Variants in TGFB2 observed in about 807,000 individuals in gnomAD.
TGFB2 encodes the protein transforming growth factor beta 2, also known as transforming growth factor beta-2 proprotein.
Under a neutral mutation model 42.7 loss-of-function variants are expected in TGFB2, and 13 were observed. That is an observed-to-expected ratio of 0.30 (90% CI 0.20 to 0.48). The LOEUF (loss-of-function observed/expected upper bound fraction) is 0.48. Among genes scored for constraint, TGFB2 ranks in the 20% least tolerant of loss-of-function variants. The probability of loss-of-function intolerance (pLI) is 0.99; values close to 1 mark genes in which losing one functional copy is unlikely to be tolerated. For missense variants in TGFB2, 390 were observed against 517.5 expected (o/e 0.75, Z 2.39); for synonymous variants, 193 against 193.6 (o/e 1.00, Z 0.03).
intron 1 of TGFB2, among the ~76,000 whole-genome samples, chr1:218,399,431 C>A (rs896088453): frequency 1.3e-5 from 2 of 152,074 alleles, no homozygotes; most frequent in African/African-American, 4.8e-5. Context: ...AAAATTAGTA[C>A]ATATAAAAAC....
intron 1 of TGFB2, among the ~76,000 whole-genome samples, chr1:218,366,502 G>A (rs940876392): frequency 3.9e-5 from 6 of 152,084 alleles, no homozygotes; most frequent in African/African-American, 1.2e-4. Context: ...TTAGAGATGG[G>A]GTCTTGCTAT....
At position 218,349,356 on chromosome 1, in the gene TGFB2, GAA is replaced by G. The variant is rs893818085; in HGVS notation, c.346+2315_346+2316del. On this transcript the variant is annotated intron_variant, in intron 1 of 6. Transcript: ENST00000366930. ...ACCCTTCCAAAAAAAAGGAAAAAAAGAAAAAAACCATATTTTTAAAAAGCAAA... is the reference window on the plus strand; with the variant it reads ...ACCCTTCCAAAAAAAAGGAAAAAAAGAAAAACCATATTTTTAAAAAGCAAA... Among the ~76,000 whole-genome samples, 3 of 152,158 alleles carry G rather than the reference GAA, an allele frequency of 2.0e-5. No homozygotes were observed. The East Asian group carries it at 5.8e-4, about 29-fold the overall frequency.
chr1:218,432,698 A>G (rs1465067977), intron 2 of TGFB2, among the ~76,000 whole-genome samples: 1 of 152,220 alleles, frequency 6.6e-6, no homozygotes, highest in East Asian at 1.9e-4. Context: ...ATTGAGTGCT[A>G]TGGTTTGAAA....
At chr1:218,381,708 A>G (rs759620778) in intron 1 of TGFB2, among the ~76,000 whole-genome samples, 2 of 152,164 alleles carry the variant, frequency 1.3e-5, no homozygotes. Context: ...GACAAGCTCA[A>G]TTTTCTGCGA....
chr1:218,393,357 A>G (rs1241828037), intron 1 of TGFB2, among the ~76,000 whole-genome samples: 1 of 152,194 alleles, frequency 6.6e-6, no homozygotes, highest in Admixed American at 6.5e-5. Flanking sequence ...CAGTTTCTTA[A>G]TCTGTAAAAG....
intron 1 of TGFB2, among the ~76,000 whole-genome samples, chr1:218,354,877 G>T (rs1656982877): frequency 1.3e-5 from 2 of 152,124 alleles, no homozygotes; most frequent in African/African-American, 4.8e-5. Flanking sequence ...GATACAAAAA[G>T]TGTGATTTAT....
intron 2 of TGFB2, among the ~76,000 whole-genome samples, chr1:218,415,108 C>CT (rs1305429442): frequency 6.6e-6 from 1 of 152,176 alleles, no homozygotes; most frequent in African/African-American, 2.4e-5. Flanking sequence ...ATGAAAGCAC[C>CT]TACTTGGCAA....
intron 1 of TGFB2, among the ~76,000 whole-genome samples, chr1:218,379,977 A>G (rs1571852941): frequency 6.6e-6 from 1 of 152,196 alleles, no homozygotes; most frequent in Non-Finnish European, 1.5e-5. Flanking sequence ...TGCTTCATAT[A>G]CTCCAGGCAC....
intron 2 of TGFB2, among the ~76,000 whole-genome samples, chr1:218,415,380 G>A (rs984431629): frequency 6.6e-6 from 1 of 152,022 alleles, no homozygotes; most frequent in African/African-American, 2.4e-5. Context: ...CACTCACTCA[G>A]CTTGTGGTGG....
chr1:218,373,302 G>A (rs1205096573), intron 1 of TGFB2, among the ~76,000 whole-genome samples: 1 of 152,106 alleles, frequency 6.6e-6, no homozygotes, highest in Non-Finnish European at 1.5e-5. Context: ...GGTTTTGAGT[G>A]AATTTCTGCA....
At chr1:218,414,165 G>C (rs563178439) in intron 2 of TGFB2, among the ~76,000 whole-genome samples, 1 of 152,120 alleles carries the variant, frequency 6.6e-6, no homozygotes, top group South Asian at 2.1e-4. Context: ...TGTCATACCA[G>C]GGAGCACAGC....
intron 1 of TGFB2, among the ~76,000 whole-genome samples, chr1:218,399,996 T>C (rs909618359): frequency 6.6e-6 from 1 of 152,096 alleles, no homozygotes; most frequent in East Asian, 1.9e-4. Context: ...ATTATATAGA[T>C]GAAGAAACAG....
chr1:218,414,937 G>C (rs10863398), intron 2 of TGFB2, among the ~76,000 whole-genome samples: 102 of 151,988 alleles, frequency 6.7e-4, no homozygotes, highest in Admixed American at 1.7e-3. Flanking sequence ...GAACCCAGGC[G>C]GTCTGACCCC....
intron 2 of TGFB2, among the ~76,000 whole-genome samples, chr1:218,411,662 G>T (rs1395822169): frequency 2.0e-5 from 3 of 152,028 alleles, no homozygotes; most frequent in Non-Finnish European, 4.4e-5. Context: ...TTGAGCCCAG[G>T]AGTTCAAGCC....
intron 1 of TGFB2, among the ~76,000 whole-genome samples, chr1:218,396,240 A>G (rs1318000874): frequency 6.6e-6 from 1 of 152,246 alleles, no homozygotes; most frequent in Non-Finnish European, 1.5e-5. Context: ...CCAAGTAACA[A>G]GCATATTAAT....
chr1:218,348,116 A>C (rs1656753618), intron 1 of TGFB2, among the ~76,000 whole-genome samples: 1 of 152,002 alleles, frequency 6.6e-6, no homozygotes, highest in Non-Finnish European at 1.5e-5. Flanking sequence ...AGCAGCATCC[A>C]CTTGATACCT....
At chr1:218,435,145 C>T (rs1245332683) in intron 4 of TGFB2, among the ~76,000 whole-genome samples, 1 of 152,194 alleles carries the variant, frequency 6.6e-6, no homozygotes, top group African/African-American at 2.4e-5. Flanking sequence ...GCCGATACAG[C>T]ATCTGCCCAC....
chr1:218,398,296 C>T (rs187844759), intron 1 of TGFB2, among the ~76,000 whole-genome samples: 77 of 152,354 alleles, frequency 5.1e-4, no homozygotes, highest in Middle Eastern at 3.4e-3. Context: ...CAGCAAATAC[C>T]TATAGGTTCT....
chr1:218,438,173 C>A (rs1660032835), intron 6 of TGFB2, among the ~76,000 whole-genome samples: 1 of 152,124 alleles, frequency 6.6e-6, no homozygotes, highest in African/African-American at 2.4e-5. Flanking sequence ...CTACTCTCTG[C>A]CTCCATAAGT....
Sources: allele counts gnomAD v4.1 joint callset (sites outside exome capture counted in the v4.1 genomes callset), GRCh38; gene constraint gnomAD v4.1.1; transcripts MANE v1.5; gene names NCBI Gene and HGNC (gene_info 2026-07-23, HGNC 2026-07-21).